KIF13A: variants seen among roughly 807,000 people sequenced by gnomAD.
KIF13A encodes kinesin family member 13A.
A neutral mutation model predicts 212.2 loss-of-function variants in KIF13A; 79 were observed. The ratio of observed to expected loss-of-function variants is 0.37; its 90% CI spans 0.31 to 0.45. The LOEUF (loss-of-function observed/expected upper bound fraction) is 0.45, where lower values mean the gene tolerates loss of function less well. Ranked by LOEUF, KIF13A falls within the 20% of genes least tolerant of loss-of-function variation. The pLI is 1.00. For missense variants in KIF13A, 1,901 were observed against 2,209.0 expected (o/e 0.86, Z 2.79); for synonymous variants, 789 against 808.6 (o/e 0.98, Z 0.41).
At chr6:17,796,045 C>CATTCCCCATTGA (rs1762002920) in intron 23 of KIF13A, among the ~76,000 whole-genome samples, 1 of 152,174 alleles carries the variant, frequency 6.6e-6, no homozygotes, top group Non-Finnish European at 1.5e-5. Context: ...TAGGACATAT[C>CATTCCCCATTGA]ATTCCCCATT....
intron 28 of KIF13A, among the ~76,000 whole-genome samples, chr6:17,784,713 T>G (rs929775882): frequency 6.6e-6 from 1 of 151,868 alleles, no homozygotes; most frequent in Non-Finnish European, 1.5e-5. Flanking sequence ...CAGAACAAGA[T>G]TGGGGTGAGT....
chr6:17,821,859 C>T (rs983320311), intron 16 of KIF13A: 19 of 1,535,236 alleles, frequency 1.2e-5, no homozygotes, highest in African/African-American at 2.7e-5. Context: ...AATAAGACCA[C>T]CAAGGGGATG....
Position 17,828,205 on chromosome 6 carries a change from A to G in KIF13A, c.1532+35T>C. 6.3e-7 allele frequency: 1 copy of G among 1,597,936 alleles called. No homozygotes were observed. The highest frequency in any genetic ancestry group is 8.5e-7 in the Non-Finnish European group (1 of 1,170,896). The stretch of plus-strand genomic sequence containing the variant: ...CCTTCTCCTTCTGAAAATAAGGCAC[A>G]CAAGACACGTGAAGTCACCATTTAC... On this transcript the variant is annotated intron_variant, in intron 14 of 38. Coordinates refer to ENST00000259711, the MANE Select transcript of KIF13A (RefSeq NM_022113.6). The surrounding 1 kb of genome is among the most constrained non-coding windows in gnomAD (Gnocchi z 4.3).
At chr6:17,812,553 TACC>T (rs1422686351) in intron 17 of KIF13A, 1 of 152,250 alleles carries the variant, frequency 6.6e-6, no homozygotes, top group East Asian at 1.9e-4. Flanking sequence ...GGTGTACATG[TACC>T]ACGTTTTCTT....
chr6:17,840,725 C>T (rs568677600), intron 9 of KIF13A, among the ~76,000 whole-genome samples: 3 of 151,940 alleles, frequency 2.0e-5, no homozygotes, highest in Non-Finnish European at 4.4e-5. Flanking sequence ...CCAAATAGCG[C>T]TTTGAGAGAA....
Position 17,908,559 on chromosome 6 carries a change from A to G in KIF13A, c.147-10379T>C, listed in dbSNP as rs148594345. ...ATTGAGGCTGCAGTGAGCCATGGTCATGCCACCGCACTCGAGCCTAGGCGA... is the reference window on the plus strand; with the variant it reads ...ATTGAGGCTGCAGTGAGCCATGGTCGTGCCACCGCACTCGAGCCTAGGCGA... On this transcript the variant is annotated intron_variant, in intron 2 of 38. Transcript: ENST00000259711. Among the ~76,000 whole-genome samples the G allele has an allele frequency of 6.9e-3, 1,057 of 152,266 alleles. 10 individuals are homozygous for G. The highest frequency in any genetic ancestry group is 0.024 in the African/African-American group (998 of 41,554).
rs1554172080 is a variant in KIF13A at position 17,821,552 on chromosome 6, G to GTGTGTGTGTGTGTGTGTGTGTGTGT, written c.1786+4215_1786+4216insACACACACACACACACACACACACA. On this transcript the variant is annotated intron_variant, in intron 16 of 38. Coordinates refer to ENST00000259711, the MANE Select transcript of KIF13A (RefSeq NM_022113.6). ...TGGGAGGCAAATGGAATTGGGACATGGTGTGTGTGTGTGTGTGTGTGTGTG... is the reference window on the plus strand; with the variant it reads ...TGGGAGGCAAATGGAATTGGGACATGTGTGTGTGTGTGTGTGTGTGTGTGTGTGTGTGTGTGTGTGTGTGTGTGTG... Among the ~76,000 whole-genome samples, 85 of 112,094 alleles carry GTGTGTGTGTGTGTGTGTGTGTGTGT rather than the reference G, an allele frequency of 7.6e-4. 2 individuals are homozygous for GTGTGTGTGTGTGTGTGTGTGTGTGT. The highest frequency in any genetic ancestry group is 2.2e-3 in the African/African-American group (74 of 32,992). The allele number at this position is 112,094 out of a possible 152,430, so 73.5% of individuals were successfully genotyped here.
chr6:17,787,239 G>T lies in KIF13A; in HGVS notation c.3361+537C>A, dbSNP rs965788211. 3.7e-4 allele frequency among the ~76,000 whole-genome samples: 57 copies of T among 152,318 alleles called. No individual in the cohort carries two copies. The highest frequency in any genetic ancestry group is 7.8e-4 in the Non-Finnish European group (53 of 68,022). The stretch of plus-strand genomic sequence containing the variant: ...ACGAAATTTGAATTTGACATTTAAT[G>T]TCACAGTTTTATGAGATAATTCTGA... On this transcript the variant is annotated intron_variant, in intron 27 of 38. Coordinates refer to ENST00000259711, the MANE Select transcript of KIF13A (RefSeq NM_022113.6). This position sits in a 1 kb window ranked among gnomAD's most constrained non-coding sequence, Gnocchi z 4.6.
chr6:17,788,372 A>T, intron 26 of KIF13A, among the ~76,000 whole-genome samples: 1 of 152,310 alleles, frequency 6.6e-6, no homozygotes, highest in East Asian at 1.9e-4. Flanking sequence ...AACTTGCCAC[A>T]AACATTTTAC....
Position 17,987,471 on chromosome 6 carries a change from G to A in KIF13A, c.-8C>T. The A allele has an allele frequency of 7.8e-7, 1 of 1,286,234 alleles. No individual in the cohort carries two copies. Among genetic ancestry groups the A allele is most frequent in the South Asian group, 1.4e-5 (1 of 72,970 alleles). The allele number at this position is 1,286,234 out of a possible 1,614,324, so 79.7% of individuals were successfully genotyped here. A position where few individuals can be genotyped will look rare whatever the true frequency, so the allele number is the denominator to read the frequency against. ...TACCTTGGTATCCGACATGTTGGCTGCGCTCGCCCGGCCGCTCGCCGCGCC... is the reference window on the plus strand; with the variant it reads ...TACCTTGGTATCCGACATGTTGGCTACGCTCGCCCGGCCGCTCGCCGCGCC... On this transcript the variant is annotated 5_prime_UTR_variant, in exon 1 of 39. Transcript: ENST00000259711. The surrounding 1 kb of genome is among the most constrained non-coding windows in gnomAD (Gnocchi z 7.7).
Position 17,968,873 on chromosome 6 carries a change from A to G in KIF13A, c.146+18181T>C, listed in dbSNP as rs1383834428. 6.6e-6 allele frequency among the ~76,000 whole-genome samples: 1 copy of G among 152,230 alleles called. No homozygotes were observed. Among genetic ancestry groups the G allele is most frequent in the Non-Finnish European group, 1.5e-5 (1 of 68,044 alleles). ...GGCCCAGACTAGAAGCACTAGAACCACCAGTGATGTGACAGACACAACCTG... is the reference window on the plus strand; with the variant it reads ...GGCCCAGACTAGAAGCACTAGAACCGCCAGTGATGTGACAGACACAACCTG... On this transcript the variant is annotated intron_variant, in intron 2 of 38. Transcript: ENST00000259711. This position sits in a 1 kb window ranked among gnomAD's most constrained non-coding sequence, Gnocchi z 4.7.
rs577281968 is a variant in KIF13A at position 17,895,371 on chromosome 6, G to C, written c.159+2797C>G. On this transcript the variant is annotated intron_variant, in intron 3 of 38. Transcript: ENST00000259711. The surrounding 1 kb of genome is among the most constrained non-coding windows in gnomAD (Gnocchi z 4.4). ...ACATTGTATTTTTAAAACAGTTTGTGGAATCACTAAAGACTTAGGATTTCA... is the reference window on the plus strand; with the variant it reads ...ACATTGTATTTTTAAAACAGTTTGTCGAATCACTAAAGACTTAGGATTTCA... 1.3e-5 allele frequency among the ~76,000 whole-genome samples: 2 copies of C among 152,256 alleles called. No individual in the cohort carries two copies. The highest frequency in any genetic ancestry group is 3.9e-4 in the East Asian group (2 of 5,172).
intron 2 of KIF13A, among the ~76,000 whole-genome samples, chr6:17,975,113 G>A (rs957604220): frequency 6.6e-6 from 1 of 152,112 alleles, no homozygotes; most frequent in African/African-American, 2.4e-5. Flanking sequence ...AGAGAAAGAG[G>A]AGGGCAGATC....
chr6:17,848,487 C>T (rs1767290904), intron 9 of KIF13A, among the ~76,000 whole-genome samples: 1 of 149,776 alleles, frequency 6.7e-6, no homozygotes, highest in Non-Finnish European at 1.5e-5. Context: ...CCACATATGT[C>T]AGAATATGGT....
rs749172071 is a variant in KIF13A at position 17,799,974 on chromosome 6, C to T, written c.2594G>A (p.Arg865Gln). 129 of 1,613,678 alleles carry T rather than the reference C, an allele frequency of 8.0e-5. No homozygotes were observed. Among genetic ancestry groups the T allele is most frequent in the Non-Finnish European group, 1.0e-4 (119 of 1,179,822 alleles). ...VVDSSGEIIH[R>Q]VKKLTCRVKI... ...CACCCGACATGTCAGCTTTTTGACTCGGTGAATGATTTCCCCGCTGCTGTC... is the reference window on the plus strand; with the variant it reads ...CACCCGACATGTCAGCTTTTTGACTTGGTGAATGATTTCCCCGCTGCTGTC... The change falls in exon 21 of 39, where the codon CGA (arginine) becomes CAA (glutamine). Residue 865 changes from arginine to glutamine, a missense_variant. Coordinates refer to ENST00000259711, the MANE Select transcript of KIF13A (RefSeq NM_022113.6). The surrounding 1 kb of genome is among the most constrained non-coding windows in gnomAD (Gnocchi z 4.4).
At position 17,859,920 on chromosome 6, in the gene KIF13A, A is replaced by G. The variant is rs540071298; in HGVS notation, c.221-3798T>C. On this transcript the variant is annotated intron_variant, in intron 4 of 38. Coordinates refer to ENST00000259711, the MANE Select transcript of KIF13A (RefSeq NM_022113.6). The stretch of plus-strand genomic sequence containing the variant: ...AAAGTGCTGGGATTACATGTTCTAT[A>G]TTATTGAATCCTCACAATACCCAGG... Among the ~76,000 whole-genome samples, 7 of 151,828 alleles carry G rather than the reference A, an allele frequency of 4.6e-5. No individual in the cohort carries two copies. The South Asian group carries it at 1.5e-3, about 32-fold the overall frequency.
In KIF13A at chr6:17,815,656, T is replaced by G. The variant is rs567913308; in HGVS notation, c.2000+1364A>C. 7.1e-6 allele frequency: 3 copies of G among 422,980 alleles called. No homozygotes were observed. In the Admixed American group the frequency reaches 7.2e-5, roughly 10 times the overall value. The allele number at this position is 422,980 out of a possible 1,614,324, so 26.2% of individuals were successfully genotyped here. On this transcript the variant is annotated intron_variant, in intron 17 of 38. Transcript: ENST00000259711. The stretch of plus-strand genomic sequence containing the variant: ...GTGATAACTGTAGAACAAAGATTAT[T>G]ATAATATTGGAATAAAGAGTAATGC...
At position 17,872,825 on chromosome 6, in the gene KIF13A, G is replaced by A. The variant is rs914871425; in HGVS notation, c.220+552C>T. Among the ~76,000 whole-genome samples, 5 of 152,092 alleles carry A rather than the reference G, an allele frequency of 3.3e-5. No individual in the cohort carries two copies. Among genetic ancestry groups the A allele is most frequent in the East Asian group, 1.9e-4 (1 of 5,164 alleles). ...TAAGTTTTGTATGTTTAGTAGAGACGGGGTTTTGCTATGTTATTCAAGCTG... is the reference window on the plus strand; with the variant it reads ...TAAGTTTTGTATGTTTAGTAGAGACAGGGTTTTGCTATGTTATTCAAGCTG... On this transcript the variant is annotated intron_variant, in intron 4 of 38. Transcript: ENST00000259711. This position sits in a 1 kb window ranked among gnomAD's most constrained non-coding sequence, Gnocchi z 4.7.
intron 29 of KIF13A, among the ~76,000 whole-genome samples, chr6:17,782,558 C>G (rs1404124162): frequency 6.6e-6 from 1 of 151,922 alleles, no homozygotes; most frequent in Non-Finnish European, 1.5e-5. Flanking sequence ...CTGCTTGAAC[C>G]CGGGAGGCGG....
Sources: gnomAD v4.1 joint callset for allele counts (sites outside exome capture counted in the v4.1 genomes callset) on GRCh38, gnomAD v4.1.1 for gene constraint, Gnocchi (gnomAD v3.1) non-coding constraint, MANE v1.5 for transcripts, NCBI Gene and HGNC (gene_info 2026-07-23, HGNC 2026-07-21) for gene names.